The following RABEP1 variants were observed in gnomAD, a reference collection of about 807,000 sequenced individuals.
The protein encoded by RABEP1 is rabaptin, RAB GTPase binding effector protein 1.
Under a neutral mutation model 123.4 loss-of-function variants are expected in RABEP1, and 51 were observed. The ratio of observed to expected loss-of-function variants is 0.41; its 90% CI spans 0.33 to 0.52. The LOEUF is 0.52. Ranked by LOEUF, RABEP1 falls within the 20% of genes least tolerant of loss-of-function variation. The pLI is 0.16. For missense variants in RABEP1, 888 were observed against 996.3 expected (o/e 0.89, Z 1.46); for synonymous variants, 347 against 355.2 (o/e 0.98, Z 0.26).
intron 17 of RABEP1, 54 bp from the exon 18 acceptor site, chr17:5,383,068 T>C (rs1461454903): frequency 6.7e-7 from 1 of 1,492,878 alleles, no homozygotes; most frequent in Non-Finnish European, 9.3e-7. Context: ...CCAGTCAAAG[T>C]TCAGAAAATC....
chr17:5,378,047 G>A (rs1911143931), intron 14 of RABEP1, 130 bp from the exon 15 acceptor site: 2 of 658,370 alleles, frequency 3.0e-6, no homozygotes. Flanking sequence ...TGGTAATTTT[G>A]AGACAGCCCC....
chr17:5,382,377 C>T (rs923571145), intron 17 of RABEP1, among the ~76,000 whole-genome samples: 4 of 151,746 alleles, frequency 2.6e-5, no homozygotes, highest in East Asian at 2.0e-4. Context: ...CCACCGTGCC[C>T]GGACTGGAAC....
At chr17:5,320,421 C>CAAAAAAAAAAAAAAAAAAAA (rs60202531) in intron 2 of RABEP1, among the ~76,000 whole-genome samples, 2 of 84,640 alleles carry the variant, frequency 2.4e-5, no homozygotes, top group African/African-American at 4.3e-5. Context: ...GCTAACACAC[C>CAAAAAAAAAAAAAAAAAAAA]AAAAAAAAAA....
At chr17:5,342,897 A>G (rs774753687) in intron 5 of RABEP1, among the ~76,000 whole-genome samples, 4 of 152,326 alleles carry the variant, frequency 2.6e-5, no homozygotes, top group African/African-American at 9.6e-5. Flanking sequence ...AAACAGACCT[A>G]TATATGTGTA....
intron 2 of RABEP1, among the ~76,000 whole-genome samples, chr17:5,327,450 A>G (rs1293247636): frequency 6.6e-6 from 1 of 152,156 alleles, no homozygotes; most frequent in African/African-American, 2.4e-5. Context: ...GCTAGATGTC[A>G]CTAGGCAGTA....
rs140993386 is a variant in RABEP1 at position 5,348,797 on chromosome 17, G to T, written c.785-1654G>T. 5.6e-3 allele frequency among the ~76,000 whole-genome samples: 857 copies of T among 152,176 alleles called. 7 individuals are homozygous for T. Among genetic ancestry groups the T allele is most frequent in the African/African-American group, 0.019 (797 of 41,522 alleles). On this transcript the variant is annotated intron_variant, in intron 6 of 17. Transcript: ENST00000537505. ...AGGATGGTCTCGATCCCCTGACCTC[G>T]TGATCCGCCCACCTCGGCCTCCCAG...
At chr17:5,381,344 T>C (rs1911434057) in intron 16 of RABEP1, 45 bp from the exon 17 acceptor site, 5 of 1,591,704 alleles carry the variant, frequency 3.1e-6, no homozygotes, top group Non-Finnish European at 4.3e-6. Context: ...CCTAAGTAAT[T>C]CGGCCCTTTG....
At chr17:5,321,880 T>A (rs77143929) in intron 2 of RABEP1, among the ~76,000 whole-genome samples, 1,935 of 152,166 alleles carry the variant, frequency 0.013, 18 homozygotes, top group Middle Eastern at 0.034. Context: ...CAACCCTGTC[T>A]CTAAAACAAA....
chr17:5,366,177 C>T (rs572690063), intron 11 of RABEP1, among the ~76,000 whole-genome samples: 51 of 152,174 alleles, frequency 3.4e-4, no homozygotes, highest in South Asian at 1.5e-3. Flanking sequence ...ATAGCCATTT[C>T]GGTGGATGTA....
At chr17:5,327,265 T>C (rs1906069018) in intron 2 of RABEP1, among the ~76,000 whole-genome samples, 1 of 151,732 alleles carries the variant, frequency 6.6e-6, no homozygotes, top group South Asian at 2.1e-4. Flanking sequence ...GGAGAATCGC[T>C]TGAACTTGGG....
At position 5,384,821 on chromosome 17, in the gene RABEP1, AACAT is replaced by A. The variant is rs1911809992; in HGVS notation, c.*1600_*1603del. 1 of 217,026 alleles carries A rather than the reference AACAT, an allele frequency of 4.6e-6. No individual in the cohort carries two copies. The highest frequency in any genetic ancestry group is 9.2e-6 in the Non-Finnish European group (1 of 108,300). 13.4% of individuals were successfully genotyped at this position (217,026 alleles called of 1,614,324 possible). A position where few individuals can be genotyped will look rare whatever the true frequency, so the allele number is the denominator to read the frequency against. Reference sequence around the variant, plus strand: ...AGTGCTACATGGTTTAGATAAAGGAAACATATAACTATTGAGTTACAGGGGATTT... The same window carrying A: ...AGTGCTACATGGTTTAGATAAAGGAAATAACTATTGAGTTACAGGGGATTT... On this transcript the variant is annotated 3_prime_UTR_variant, in exon 18 of 18. Transcript: ENST00000537505.
chr17:5,344,280 A>G (rs1414344413), intron 5 of RABEP1, among the ~76,000 whole-genome samples: 1 of 151,908 alleles, frequency 6.6e-6, no homozygotes, highest in Non-Finnish European at 1.5e-5. Context: ...TCTACTAAAA[A>G]TACAAAAATT....
At chr17:5,370,615 CCTT>C (rs1910451434) in intron 12 of RABEP1, among the ~76,000 whole-genome samples, 1 of 152,100 alleles carries the variant, frequency 6.6e-6, no homozygotes, top group African/African-American at 2.4e-5. Context: ...CTGATTATCT[CCTT>C]GTGATTTGAT....
chr17:5,316,855 A>T (rs575646486), intron 2 of RABEP1, among the ~76,000 whole-genome samples: 6,550 of 137,098 alleles, frequency 0.048, 161 homozygotes, highest in Middle Eastern at 0.08. Context: ...AAAAAAAAAA[A>T]ATATAAGAAA....
chr17:5,358,226 C>T (rs9891932), intron 8 of RABEP1, among the ~76,000 whole-genome samples: 2,452 of 152,014 alleles, frequency 0.016, 59 homozygotes, highest in African/African-American at 0.057. Flanking sequence ...GATTAACACA[C>T]TGATAGTCAA....
At chr17:5,300,936 C>T (rs1340936855) in intron 1 of RABEP1, among the ~76,000 whole-genome samples, 1 of 152,164 alleles carries the variant, frequency 6.6e-6, no homozygotes, top group Non-Finnish European at 1.5e-5. Flanking sequence ...TACCGGGCCC[C>T]ATCTCCAGAA....
intron 10 of RABEP1, among the ~76,000 whole-genome samples, chr17:5,363,903 T>C (rs1184435070): frequency 6.6e-6 from 1 of 152,218 alleles, no homozygotes; most frequent in African/African-American, 2.4e-5. Context: ...TAGGAAATAA[T>C]GTAGAAATTC....
At chr17:5,367,325 G>A (rs1413920372) in intron 11 of RABEP1, among the ~76,000 whole-genome samples, 2 of 151,604 alleles carry the variant, frequency 1.3e-5, no homozygotes, top group African/African-American at 2.4e-5. Context: ...AGGCTAGAGT[G>A]CAGTGGCACG....
chr17:5,337,955 G>A lies in RABEP1; in HGVS notation c.529-64G>A, dbSNP rs535109412. ...ATAATAATTTTTAGCAAATGGAAGGGTTAGAGTTTCTTAGAAAAGCAGTAA... is the reference window on the plus strand; with the variant it reads ...ATAATAATTTTTAGCAAATGGAAGGATTAGAGTTTCTTAGAAAAGCAGTAA... On this transcript the variant is annotated intron_variant, in intron 4 of 17. Transcript: ENST00000537505. 7.2e-6 allele frequency: 11 copies of A among 1,527,716 alleles called. No homozygotes were observed. The Admixed American group carries it at 1.9e-4, about 27-fold the overall frequency. 94.6% of individuals were successfully genotyped at this position (1,527,716 alleles called of 1,614,324 possible). A position where few individuals can be genotyped will look rare whatever the true frequency, so the allele number is the denominator to read the frequency against.
Sources: allele counts gnomAD v4.1 joint callset (sites outside exome capture counted in the v4.1 genomes callset), GRCh38; gene constraint gnomAD v4.1.1; transcripts MANE v1.5; gene names NCBI Gene and HGNC (gene_info 2026-07-23, HGNC 2026-07-21).